Variants in DAP observed in about 807,000 individuals in gnomAD.
DAP encodes death associated protein.
DAP carries 8 observed loss-of-function variants against 13.8 expected under a neutral mutation model. The observed-to-expected ratio is 0.58, with a 90% CI of 0.34 to 1.05. DAP has a LOEUF of 1.05. Ranked by LOEUF, DAP falls within the 50% of genes least tolerant of loss-of-function variation. DAP has a pLI of 0.03. For missense variants in DAP, 106 were observed against 133.2 expected, an observed-to-expected ratio of 0.80 and a Z score of 1.01; for synonymous variants, 47 against 47.5, an observed-to-expected ratio of 0.99 and a Z score of 0.04.
intron 2 of DAP, among the ~76,000 whole-genome samples, chr5:10,695,132 T>C (rs1223928217): frequency 2.6e-5 from 4 of 152,232 alleles, no homozygotes; most frequent in African/African-American, 7.2e-5. Context: ...TCTCACTCGA[T>C]TGCACCCAGA....
At chr5:10,754,205 G>A (rs1194099922) in intron 1 of DAP, among the ~76,000 whole-genome samples, 4 of 152,196 alleles carry the variant, frequency 2.6e-5, no homozygotes, top group African/African-American at 4.8e-5. Flanking sequence ...GAGGCGGTAA[G>A]AACGTATGCA....
intron 1 of DAP, among the ~76,000 whole-genome samples, chr5:10,756,232 C>A (rs973213431): frequency 7.1e-6 from 1 of 140,484 alleles, no homozygotes; most frequent in Non-Finnish European, 1.5e-5. Context: ...ACTAAAGGGT[C>A]TTGTTTTCCT....
intron 2 of DAP, among the ~76,000 whole-genome samples, chr5:10,716,823 G>A (rs972071960): frequency 5.3e-5 from 8 of 152,176 alleles, no homozygotes; most frequent in Admixed American, 1.3e-4. Flanking sequence ...AGGGAACTCT[G>A]AGGAATACAG....
At chr5:10,752,488 C>A (rs958142229) in intron 1 of DAP, among the ~76,000 whole-genome samples, 7 of 152,166 alleles carry the variant, frequency 4.6e-5, no homozygotes, top group Non-Finnish European at 1.0e-4. Flanking sequence ...TTAGGAGAAA[C>A]AGAAAAACCT....
intron 2 of DAP, among the ~76,000 whole-genome samples, chr5:10,725,790 C>A (rs1197810198): frequency 6.6e-6 from 1 of 152,222 alleles, no homozygotes; most frequent in East Asian, 1.9e-4. Context: ...TGGAGTCACA[C>A]ATTTGGATTC....
In DAP at chr5:10,701,794, T is replaced by G. The variant is rs530307843; in HGVS notation, c.153-18223A>C. ...CCTGGTGTTATTACTAGCAGTGCTT[T>G]CTTTCACTCTCAAAGCATGTCAGAC... is the stretch of plus-strand genomic sequence containing the variant. On this transcript the variant is annotated intron_variant, in intron 2 of 3. Coordinates refer to ENST00000230895, the MANE Select transcript of DAP (RefSeq NM_004394.3). Among the ~76,000 whole-genome samples the G allele has an allele frequency of 9.8e-5, 15 of 152,302 alleles. No individual in the cohort carries two copies. In the East Asian group the frequency reaches 2.9e-3, roughly 29 times the overall value.
intron 2 of DAP, among the ~76,000 whole-genome samples, chr5:10,688,821 C>T (rs1738223174): frequency 6.6e-6 from 1 of 151,676 alleles, no homozygotes; most frequent in Non-Finnish European, 1.5e-5. Flanking sequence ...CGCCATCCAG[C>T]AGTAGGGCGC....
At position 10,694,681 on chromosome 5, in the gene DAP, G is replaced by A. The variant is rs930184164; in HGVS notation, c.153-11110C>T. Among the ~76,000 whole-genome samples, 7 of 152,212 alleles carry A rather than the reference G, an allele frequency of 4.6e-5. No individual in the cohort carries two copies. In the East Asian group the frequency reaches 9.6e-4, roughly 21 times the overall value. On this transcript the variant is annotated intron_variant, in intron 2 of 3. Coordinates refer to ENST00000230895, the MANE Select transcript of DAP (RefSeq NM_004394.3). ...AGCACTTGTGTAACAGAGAGGACAC[G>A]ACACTAGAGCACTGCAGTGGGAGGA...
intron 2 of DAP, among the ~76,000 whole-genome samples, chr5:10,703,962 T>C (rs999903559): frequency 1.3e-5 from 2 of 152,226 alleles, no homozygotes; most frequent in African/African-American, 2.4e-5. Context: ...CACAGCACCA[T>C]GCTGTGGCAG....
intron 2 of DAP, among the ~76,000 whole-genome samples, chr5:10,691,351 T>C (rs1738303617): frequency 6.6e-6 from 1 of 152,236 alleles, no homozygotes; most frequent in South Asian, 2.1e-4. Context: ...CAACTATAAT[T>C]AACAGCAACT....
At position 10,753,614 on chromosome 5, in the gene DAP, T is replaced by C. The variant is rs559535961; in HGVS notation, c.56-5343A>G. Among the ~76,000 whole-genome samples, 11 of 152,274 alleles carry C rather than the reference T, an allele frequency of 7.2e-5. No homozygotes were observed. In the South Asian group the frequency reaches 2.1e-3, roughly 29 times the overall value. On this transcript the variant is annotated intron_variant, in intron 1 of 3. Transcript: ENST00000230895. ...CAGGATGCCTGGCTGTAAGATGCAG[T>C]CACTGGTGGCTTGCTATCTGCTAGT... is the stretch of plus-strand genomic sequence containing the variant.
At chr5:10,739,576 G>A (rs972624758) in intron 2 of DAP, among the ~76,000 whole-genome samples, 17 of 152,044 alleles carry the variant, frequency 1.1e-4, no homozygotes, top group Admixed American at 5.2e-4. Context: ...AAAGGCTCTC[G>A]CCCACAAGGC....
At chr5:10,723,240 T>C (rs751863183) in intron 2 of DAP, among the ~76,000 whole-genome samples, 2 of 152,252 alleles carry the variant, frequency 1.3e-5, no homozygotes, top group Admixed American at 1.3e-4. Context: ...AGATACTGTA[T>C]TAATAGCACA....
chr5:10,702,766 A>G (rs1738613261), intron 2 of DAP, among the ~76,000 whole-genome samples: 1 of 152,240 alleles, frequency 6.6e-6, no homozygotes, highest in Non-Finnish European at 1.5e-5. Context: ...GGCAGCTGCC[A>G]ACAACAGCTG....
intron 1 of DAP, among the ~76,000 whole-genome samples, chr5:10,750,363 TC>T: frequency 6.6e-6 from 1 of 152,026 alleles, no homozygotes; most frequent in Non-Finnish European, 1.5e-5. Flanking sequence ...TGACGTTTGC[TC>T]CCAGGACCAG....
At chr5:10,699,473 C>T (rs183217099) in intron 2 of DAP, among the ~76,000 whole-genome samples, 194 of 152,348 alleles carry the variant, frequency 1.3e-3, no homozygotes, top group African/African-American at 4.2e-3. Flanking sequence ...AAGAGGCCAA[C>T]AGGCCACACC....
intron 1 of DAP, among the ~76,000 whole-genome samples, chr5:10,750,573 A>G (rs1338106938): frequency 6.6e-6 from 1 of 152,178 alleles, no homozygotes; most frequent in Non-Finnish European, 1.5e-5. Context: ...ATATCCCATC[A>G]ATTGATTTTT....
chr5:10,705,777 G>A (rs1417651438), intron 2 of DAP, among the ~76,000 whole-genome samples: 2 of 152,118 alleles, frequency 1.3e-5, no homozygotes, highest in Non-Finnish European at 2.9e-5. Flanking sequence ...ATTTTCTTTT[G>A]TTATGATTTG....
chr5:10,695,345 G>A (rs1309402827), intron 2 of DAP, among the ~76,000 whole-genome samples: 1 of 152,246 alleles, frequency 6.6e-6, no homozygotes, highest in East Asian at 1.9e-4. Flanking sequence ...ACCTGGGCAC[G>A]AGGGTGCCCC....
Sources: gnomAD v4.1 joint callset for allele counts (sites outside exome capture counted in the v4.1 genomes callset) on GRCh38, gnomAD v4.1.1 for gene constraint, MANE v1.5 for transcripts, NCBI Gene and HGNC (gene_info 2026-07-23, HGNC 2026-07-21) for gene names.